ARNT: variants seen among roughly 807,000 people sequenced by gnomAD.
The protein encoded by ARNT is aryl hydrocarbon receptor nuclear translocator.
Under a neutral mutation model 105.0 loss-of-function variants are expected in ARNT, and 30 were observed. That is an observed-to-expected ratio of 0.29 (90% CI 0.21 to 0.39). The LOEUF is 0.39. Among genes scored for constraint, ARNT ranks in the 10% least tolerant of loss-of-function variants. The pLI, the probability that ARNT is intolerant of heterozygous loss-of-function variation, is 1.00. For synonymous variants in ARNT, 304 were observed against 344.0 expected (o/e 0.88, Z 1.29); for missense variants, 748 against 978.7 (o/e 0.76, Z 3.15).
chr1:150,851,302 A>G (rs372603018), intron 3 of ARNT, among the ~76,000 whole-genome samples: 5 of 143,060 alleles, frequency 3.5e-5, no homozygotes, highest in Admixed American at 6.9e-5. Context: ...CTGCCCGGCC[A>G]CCCCTTCTGG....
intron 1 of ARNT, among the ~76,000 whole-genome samples, chr1:150,867,660 T>C (rs1666826433): frequency 6.6e-6 from 1 of 152,218 alleles, no homozygotes; most frequent in Non-Finnish European, 1.5e-5. Context: ...TGGCTCTGTG[T>C]GTCTCCACCC....
rs750449068 is a variant in ARNT at position 150,823,305 on chromosome 1, C to T, written c.1283G>A (p.Arg428Gln). 5 of 1,613,386 alleles carry T rather than the reference C, an allele frequency of 3.1e-6. No individual in the cohort carries two copies. Among genetic ancestry groups the T allele is most frequent in the South Asian group, 1.1e-5 (1 of 91,030 alleles). Residue 428 changes from arginine (R) to glutamine (Q), a missense_variant, in exon 14 of 22, where the codon CGG (arginine) becomes CAG (glutamine). Physicochemically the swap from Arg to Gln is conservative, Grantham distance 43. This residue lies in a region of ARNT where 291 missense variants were observed against 444.6 expected (regional missense o/e 0.65). Coordinates refer to ENST00000358595, the MANE Select transcript of ARNT (RefSeq NM_001668.4). ...CCATTCTTGGTTCTTAGACCGGAACCGGAACATGACAGACAGCACTTGGCC... is the reference window on the plus strand; with the variant it reads ...CCATTCTTGGTTCTTAGACCGGAACTGGAACATGACAGACAGCACTTGGCC... ...LKGQVLSVMF[R>Q]FRSKNQEWLW...
At chr1:150,842,201 T>C (rs1448770063) in intron 5 of ARNT, 5 of 913,148 alleles carry the variant, frequency 5.5e-6, no homozygotes, top group African/African-American at 1.8e-5. Context: ...TTAAAACTAA[T>C]AGCAATTTCT....
chr1:150,860,505 C>T (rs775584384), intron 1 of ARNT, among the ~76,000 whole-genome samples: 3 of 151,394 alleles, frequency 2.0e-5, no homozygotes, highest in South Asian at 2.1e-4. Context: ...CATGAGCCAC[C>T]GTGCCCAGCA....
At chr1:150,832,157 G>T (rs754572645) in intron 9 of ARNT, among the ~76,000 whole-genome samples, 177 bp downstream of exon 9, 2 of 152,190 alleles carry the variant, frequency 1.3e-5, no homozygotes, top group Non-Finnish European at 2.9e-5. Context: ...AGAAGTTTTA[G>T]AAGTTTAGGA....
chr1:150,845,902 AAAAT>A (rs1295416899), intron 4 of ARNT, among the ~76,000 whole-genome samples: 1 of 152,216 alleles, frequency 6.6e-6, no homozygotes, highest in Non-Finnish European at 1.5e-5. Context: ...ACTCTGTCTC[AAAAT>A]AAATAAATTA....
At chr1:150,826,466 TCA>T in intron 13 of ARNT, 75 bp downstream of exon 13, 1 of 1,172,804 alleles carries the variant, frequency 8.5e-7, no homozygotes. Context: ...GCCACAGTGT[TCA>T]GTTAATCAGT....
chr1:150,876,280 G>A (rs980652289), intron 1 of ARNT, among the ~76,000 whole-genome samples: 2 of 152,156 alleles, frequency 1.3e-5, no homozygotes, highest in Non-Finnish European at 1.5e-5. Flanking sequence ...GCCCCGCACT[G>A]GCTGCCGCTC....
intron 13 of ARNT, among the ~76,000 whole-genome samples, chr1:150,825,158 C>T (rs987951132): frequency 6.6e-6 from 1 of 152,116 alleles, no homozygotes; most frequent in South Asian, 2.1e-4. Context: ...CCATGCCCAG[C>T]CAATTTTAGG....
intron 3 of ARNT, among the ~76,000 whole-genome samples, chr1:150,846,607 G>T (rs371354076): frequency 7.9e-5 from 12 of 151,412 alleles, no homozygotes; most frequent in South Asian, 2.1e-4. Flanking sequence ...TTAGTTTTGG[G>T]TTTTTTTTTA....
At chr1:150,849,002 A>G (rs1434977193) in intron 3 of ARNT, among the ~76,000 whole-genome samples, 1 of 152,034 alleles carries the variant, frequency 6.6e-6, no homozygotes, top group Non-Finnish European at 1.5e-5. Context: ...TCGGCAGTTC[A>G]AGACCAGCCT....
In ARNT at chr1:150,814,086, A is replaced by G. The variant is rs762537834; in HGVS notation, c.2104T>C (p.Ser702Pro). Residue 702 changes from serine (S) to proline (P), a missense_variant, in exon 20 of 22, where the codon TCT (serine) becomes CCT (proline). Physicochemically the swap from Ser to Pro is moderately conservative, Grantham distance 74. Around this residue, in one of 4 missense-constraint regions of ARNT, gnomAD observed 360 missense variants for 411.9 expected, o/e 0.87. Coordinates refer to ENST00000358595, the MANE Select transcript of ARNT (RefSeq NM_001668.4). ...AAYPSLTNRG[S>P]NFAPETGQTA... ...TATGGTCTGGACTCACCAAAGTTAG[A>G]TCCACGATTGGTGAGACTAGGGTAG... 2 of 1,614,078 alleles carry G rather than the reference A, an allele frequency of 1.2e-6. No homozygotes were observed. The highest frequency in any genetic ancestry group is 1.7e-6 in the Non-Finnish European group (2 of 1,180,002).
intron 2 of ARNT, 143 bp downstream of exon 2, chr1:150,858,206 A>G: frequency 1.7e-6 from 1 of 582,406 alleles, no homozygotes; most frequent in East Asian, 2.9e-5. Flanking sequence ...GACTAAGGAG[A>G]CTTATATGAC....
chr1:150,818,662 T>C (rs754442998), intron 14 of ARNT, among the ~76,000 whole-genome samples: 3 of 151,900 alleles, frequency 2.0e-5, no homozygotes, highest in Non-Finnish European at 2.9e-5. Flanking sequence ...GATGGGAGGA[T>C]TGCTTGAGCC....
At chr1:150,832,469 A>C (rs1236540420) in intron 8 of ARNT, 70 bp from the exon 9 acceptor site, 1 of 1,392,716 alleles carries the variant, frequency 7.2e-7, no homozygotes, top group African/African-American at 1.4e-5. Context: ...CAGTAATAGC[A>C]GAATAACATG....
chr1:150,855,570 AT>A (rs748863620), intron 2 of ARNT, among the ~76,000 whole-genome samples: 35 of 151,884 alleles, frequency 2.3e-4, no homozygotes, highest in African/African-American at 7.3e-4. Flanking sequence ...TCAAAAAAAA[AT>A]AAATAAAAAT....
At chr1:150,847,545 C>T (rs1662473849) in intron 3 of ARNT, among the ~76,000 whole-genome samples, 1 of 151,466 alleles carries the variant, frequency 6.6e-6, no homozygotes, top group Non-Finnish European at 1.5e-5. Context: ...AGGAAAAGGA[C>T]AAACGAACCT....
Position 150,817,935 on chromosome 1 carries a change from C to T in ARNT, c.1490G>A (p.Gly497Glu), listed in dbSNP as rs1656264242. The change falls in exon 15 of 22, where the codon GGA (glycine) becomes GAA (glutamate). Residue 497 changes from glycine (G) to glutamate (E), a missense_variant. By Grantham distance (98) the Gly-to-Glu change is moderately conservative. Transcript: ENST00000358595. Reference protein sequence around the residue: ...TANLPLEMGSGQLAPRQQQQQ... With the variant: ...TANLPLEMGSEQLAPRQQQQQ... ...CCTTTTTTACCTGGGTGCCAGCTGT[C>T]CTGAGCCCATCTCCAGGGGTAAATT... is the stretch of plus-strand genomic sequence containing the variant. The T allele has an allele frequency of 6.2e-7, 1 of 1,612,866 alleles. No individual in the cohort carries two copies. Among genetic ancestry groups the T allele is most frequent in the African/African-American group, 1.3e-5 (1 of 74,864 alleles).
intron 1 of ARNT, among the ~76,000 whole-genome samples, chr1:150,864,935 G>A (rs1666313386): frequency 6.9e-6 from 1 of 144,558 alleles, no homozygotes; most frequent in African/African-American, 2.5e-5. Context: ...AAGATGTCAA[G>A]TGCTAACCAA....
Sources: gnomAD v4.1 joint callset for allele counts (sites outside exome capture counted in the v4.1 genomes callset) on GRCh38, gnomAD v4.1.1 for gene constraint, gnomAD v4.1.1 regional missense constraint, MANE v1.5 for transcripts, NCBI Gene and HGNC (gene_info 2026-07-23, HGNC 2026-07-21) for gene names.